The following ARHGAP30 variants were observed in gnomAD, a reference collection of about 807,000 sequenced individuals.
The protein encoded by ARHGAP30 is rho GTPase-activating protein 30.
Under a neutral mutation model 72.0 loss-of-function variants are expected in ARHGAP30, and 23 were observed. The observed-to-expected ratio is 0.32, with a 90% CI of 0.23 to 0.45. The LOEUF (loss-of-function observed/expected upper bound fraction) is 0.45. Among genes scored for constraint, ARHGAP30 ranks in the 20% least tolerant of loss-of-function variants. The probability of loss-of-function intolerance (pLI) is 1.00; values close to 1 mark genes in which losing one functional copy is unlikely to be tolerated. For missense variants in ARHGAP30, 1,319 were observed against 1,383.4 expected (o/e 0.95, Z 0.74); for synonymous variants, 576 against 528.2 (o/e 1.09, Z -1.24).
chr1:161,052,185 T>C, intron 9 of ARHGAP30, 101 bp downstream of exon 9: 1 of 1,322,516 alleles, frequency 7.6e-7, no homozygotes, highest in East Asian at 2.3e-5. Context: ...TCATTAAATA[T>C]TTTTTGAAAT....
In ARHGAP30 at chr1:161,047,651, A is replaced by C. The variant is rs757624964; in HGVS notation, c.*64T>G. 1 of 1,471,984 alleles carries C rather than the reference A, an allele frequency of 6.8e-7. No individual in the cohort carries two copies. The highest frequency in any genetic ancestry group is 9.1e-7 in the Non-Finnish European group (1 of 1,104,434). 91.2% of individuals were successfully genotyped at this position (1,471,984 alleles called of 1,614,324 possible). A position where few individuals can be genotyped will look rare whatever the true frequency, so the allele number is the denominator to read the frequency against. ...TGCTCATGCTGCAGAGGAGACAGCT[A>C]GTCAGGAACCCTGGAGATTCAAGAC... On this transcript the variant is annotated 3_prime_UTR_variant, in exon 12 of 12. Transcript: ENST00000368013.
Position 161,049,278 on chromosome 1 carries a change from CTG to C in ARHGAP30, c.1741_1742del (p.Gln581ValfsTer18). 6.2e-7 allele frequency: 1 copy of C among 1,614,136 alleles called. No homozygotes were observed. The highest frequency in any genetic ancestry group is 2.2e-5 in the East Asian group (1 of 44,892). The part of the protein sequence containing the change: ...PLDDLSLDEA[Q>X]FVLAPSCCSL... ...AACAGCAGCTGGGGGCCAAGACAAA[CTG>C]TGCCTCATCCAGAGACAGGTCATCC... is the stretch of plus-strand genomic sequence containing the variant. On this transcript the variant is annotated frameshift_variant, in exon 12 of 12. Coordinates refer to ENST00000368013, the MANE Select transcript of ARHGAP30 (RefSeq NM_001025598.2). LOFTEE classifies it low-confidence loss of function (END_TRUNC).
At chr1:161,055,906 A>T (rs866458300) in intron 3 of ARHGAP30, among the ~76,000 whole-genome samples, 166 of 28,666 alleles carry the variant, frequency 5.8e-3, no homozygotes, top group Non-Finnish European at 9.1e-3. Flanking sequence ...AAAATAAAAT[A>T]AAATAAAATA....
At position 161,051,311 on chromosome 1, in the gene ARHGAP30, C is replaced by A; in HGVS notation, c.1420+3G>T. The stretch of plus-strand genomic sequence containing the variant: ...TAGTCTTGGTCAATCAATGGGTCCT[C>A]ACCTGGGGGGCCAGGGCCAAGGCCA... On this transcript the variant is annotated splice_donor_region_variant and intron_variant, in intron 10 of 11. Coordinates refer to ENST00000368013, the MANE Select transcript of ARHGAP30 (RefSeq NM_001025598.2). 1 of 1,591,298 alleles carries A rather than the reference C, an allele frequency of 6.3e-7. No individual in the cohort carries two copies. The highest frequency in any genetic ancestry group is 8.6e-7 in the Non-Finnish European group (1 of 1,169,092).
rs141550841 is a variant in ARHGAP30 at position 161,069,034 on chromosome 1, C to T, written c.97+494G>A. On this transcript the variant is annotated intron_variant, in intron 1 of 11. Coordinates refer to ENST00000368013, the MANE Select transcript of ARHGAP30 (RefSeq NM_001025598.2). The surrounding 1 kb of genome is among the most constrained non-coding windows in gnomAD (Gnocchi z 4.9). ...CAGCAAGGCTGCAGTGGGAACAGAG[C>T]CCATGACCTTGTCCTTGGGTGTTCT... Among the ~76,000 whole-genome samples the T allele has an allele frequency of 3.9e-5, 6 of 152,284 alleles. No homozygotes were observed. In the East Asian group the frequency reaches 1.2e-3, roughly 29 times the overall value.
chr1:161,054,696 CT>C lies in ARHGAP30; in HGVS notation c.354del (p.Gly119GlufsTer13). 1.2e-6 allele frequency: 2 copies of C among 1,613,942 alleles called. No individual in the cohort carries two copies. Among genetic ancestry groups the C allele is most frequent in the Non-Finnish European group, 1.7e-6 (2 of 1,179,988 alleles). On this transcript the variant is annotated frameshift_variant, in exon 4 of 12. Transcript: ENST00000368013. LOFTEE classifies it high-confidence loss of function. Reference sequence around the variant, plus strand: ...AAGCGCTCAGGTTCCAATTGCACTCCTACAGCCTCCTGATTGAGAAGAGTGC... The same window carrying C: ...AAGCGCTCAGGTTCCAATTGCACTCCACAGCCTCCTGATTGAGAAGAGTGC... ...YRLYDKFAEA[V>X]GVQLEPERLV...
chr1:161,052,038 ACCACCACCACCACCACC>A (rs1557921066), intron 9 of ARHGAP30, among the ~76,000 whole-genome samples: 14,037 of 50,104 alleles, frequency 0.28, 4,268 homozygotes, highest in Middle Eastern at 0.41. Context: ...CACCACCACC[ACCACCACCACCACCACC>A]ACCACATACC....
chr1:161,064,044 G>A (rs568371220), intron 1 of ARHGAP30, among the ~76,000 whole-genome samples: 4 of 152,320 alleles, frequency 2.6e-5, no homozygotes, highest in African/African-American at 9.6e-5. Context: ...ATCTCACCCT[G>A]CCTCCACTTG....
chr1:161,047,799 C>T lies in ARHGAP30; in HGVS notation c.3222G>A (p.Gln1074=), dbSNP rs763510548. The T allele has an allele frequency of 5.7e-5, 91 of 1,600,842 alleles. No homozygotes were observed. In the East Asian group the frequency reaches 2.0e-3, roughly 36 times the overall value. Residue 1074 remains glutamine (Q), a synonymous_variant, in exon 12 of 12, where the codon CAG becomes CAA. Coordinates refer to ENST00000368013, the MANE Select transcript of ARHGAP30 (RefSeq NM_001025598.2). ...GAGAGGACAACAGGGGGTCAGGAAC[C>T]TGGGGTTCTCTGGGGGGCAGACTAA... is the stretch of plus-strand genomic sequence containing the variant. ...SRLSLPPREP[Q]VPDPLLSSQR...
chr1:161,048,172 G>A lies in ARHGAP30; in HGVS notation c.2849C>T (p.Pro950Leu). 2 of 1,614,190 alleles carry A rather than the reference G, an allele frequency of 1.2e-6. No individual in the cohort carries two copies. The highest frequency in any genetic ancestry group is 1.7e-6 in the Non-Finnish European group (2 of 1,180,034). Residue 950 changes from proline (P) to leucine (L), a missense_variant, in exon 12 of 12, where the codon CCC (proline) becomes CTC (leucine). By Grantham distance (98) the Pro-to-Leu change is moderately conservative. Coordinates refer to ENST00000368013, the MANE Select transcript of ARHGAP30 (RefSeq NM_001025598.2). The stretch of plus-strand genomic sequence containing the variant: ...ATGAATCTTGCTACACATTGCACTG[G>A]GCATCTTGGCAAACTGTGGCTTGGG... ...VPPKPQFAKM[P>L]SAMCSKIHVA...
chr1:161,063,105 G>A (rs1003552752), intron 1 of ARHGAP30, among the ~76,000 whole-genome samples: 3 of 152,128 alleles, frequency 2.0e-5, no homozygotes, highest in Admixed American at 6.5e-5. Flanking sequence ...GAGCCACTGC[G>A]CCCAGCCATT....
At chr1:161,053,101 G>C in intron 6 of ARHGAP30, 157 bp downstream of exon 6, 1 of 1,147,234 alleles carries the variant, frequency 8.7e-7, no homozygotes, top group Non-Finnish European at 1.2e-6. Flanking sequence ...GTCTTCTCAA[G>C]TCCTGACTGC....
chr1:161,059,825 A>T (rs559167444), intron 1 of ARHGAP30, 109 bp from the exon 2 acceptor site: 2 of 891,352 alleles, frequency 2.2e-6, no homozygotes, highest in Admixed American at 2.7e-5. Context: ...AGCAAAGCTC[A>T]TGGAATAAAA....
intron 2 of ARHGAP30, among the ~76,000 whole-genome samples, chr1:161,058,717 C>T (rs1355699581): frequency 1.2e-4 from 17 of 142,262 alleles, no homozygotes; most frequent in African/African-American, 4.2e-4. Context: ...AAAAATTAGC[C>T]AGGCGTGGTG....
Position 161,052,305 on chromosome 1 carries a change from A to G in ARHGAP30, c.999T>C (p.Ala333=). 6.2e-7 allele frequency: 1 copy of G among 1,614,022 alleles called. No individual in the cohort carries two copies. The highest frequency in any genetic ancestry group is 8.5e-7 in the Non-Finnish European group (1 of 1,180,026). The change falls in exon 9 of 12, where the codon GCT becomes GCC. Residue 333 remains alanine, a synonymous_variant. Coordinates refer to ENST00000368013, the MANE Select transcript of ARHGAP30 (RefSeq NM_001025598.2). ...ACTCACCATCACTGGCCCCAGCTGC[A>G]GCACTCAGTGAGTCCATGCTTTTGG... ...RPAKSMDSLS[A]AAGASDEPEG... is the part of the protein sequence containing the mutation.
intron 2 of ARHGAP30, among the ~76,000 whole-genome samples, chr1:161,056,899 A>G (rs1651918721): frequency 6.6e-6 from 1 of 152,154 alleles, no homozygotes; most frequent in South Asian, 2.1e-4. Context: ...TTAGAAAGAA[A>G]CGTTAAGTGT....
In ARHGAP30 at chr1:161,053,343, G is replaced by A. The variant is rs148479983; in HGVS notation, c.579C>T (p.Ala193=). The A allele has an allele frequency of 0.013, 21,604 of 1,613,988 alleles. 202 individuals carry two copies. Among genetic ancestry groups the A allele is most frequent in the Non-Finnish European group, 0.015 (17,868 of 1,180,006 alleles). Residue 193 remains alanine, a synonymous_variant, in exon 6 of 12, where the codon GCC becomes GCT. Coordinates refer to ENST00000368013, the MANE Select transcript of ARHGAP30 (RefSeq NM_001025598.2). The part of the protein sequence containing the change: ...IEASGFNGTA[A]FMEVRVQSIV... ...TGGATTGTACCCGCACCTCCATGAAGGCCGCTGTCCCATTGAAGCCTGAGG... is the reference window on the plus strand; with the variant it reads ...TGGATTGTACCCGCACCTCCATGAAAGCCGCTGTCCCATTGAAGCCTGAGG...
At position 161,048,132 on chromosome 1, in the gene ARHGAP30, A is replaced by G. The variant is rs1651012824; in HGVS notation, c.2889T>C (p.Asn963=). 1 of 1,614,108 alleles carries G rather than the reference A, an allele frequency of 6.2e-7. No homozygotes were observed. Among genetic ancestry groups the G allele is most frequent in the African/African-American group, 1.3e-5 (1 of 75,022 alleles). ...MCSKIHVAPA[N]PCPRPGRLDG... Reference sequence around the variant, plus strand: ...CAAGCCGGCCAGGCCTCGGGCATGGATTTGCAGGTGCCACATGAATCTTGC... The same window carrying G: ...CAAGCCGGCCAGGCCTCGGGCATGGGTTTGCAGGTGCCACATGAATCTTGC... Residue 963 remains asparagine (N), a synonymous_variant, in exon 12 of 12, where the codon AAT becomes AAC. Transcript: ENST00000368013.
chr1:161,053,462 T>TCTCTCTC, intron 5 of ARHGAP30, 77 bp from the exon 6 acceptor site: 2 of 689,132 alleles, frequency 2.9e-6, no homozygotes, highest in Non-Finnish European at 4.3e-6. Context: ...AAATACCTTA[T>TCTCTCTC]TCTCTCTCTC....
Sources: gnomAD v4.1 joint callset for allele counts (sites outside exome capture counted in the v4.1 genomes callset) on GRCh38, gnomAD v4.1.1 for gene constraint, Gnocchi (gnomAD v3.1) non-coding constraint, MANE v1.5 for transcripts, NCBI Gene and HGNC (gene_info 2026-07-23, HGNC 2026-07-21) for gene names.